The following PLCB1 variants were observed in gnomAD, a reference collection of about 807,000 sequenced individuals.
PLCB1 encodes the protein phospholipase C beta 1.
PLCB1 carries 46 observed loss-of-function variants against 161.8 expected under a neutral mutation model. The ratio of observed to expected loss-of-function variants is 0.28; its 90% CI spans 0.22 to 0.36. The LOEUF is 0.36. Among genes scored for constraint, PLCB1 ranks in the 10% least tolerant of loss-of-function variants. The pLI, the probability that PLCB1 is intolerant of heterozygous loss-of-function variation, is 1.00. For missense variants in PLCB1, 1,016 were observed against 1,472.5 expected (o/e 0.69, Z 5.07); for synonymous variants, 517 against 503.7 (o/e 1.03, Z -0.35).
At chr20:8,880,010 G>A (rs145752397) in intron 31 of PLCB1, among the ~76,000 whole-genome samples, 57 of 152,180 alleles carry the variant, frequency 3.7e-4, no homozygotes, top group African/African-American at 1.2e-3. Flanking sequence ...ATTGAGAAAC[G>A]CAGGAGCTCA....
chr20:8,568,144 G>A (rs988745007), intron 3 of PLCB1, among the ~76,000 whole-genome samples: 15 of 152,212 alleles, frequency 9.9e-5, no homozygotes, highest in Non-Finnish European at 1.0e-4. Context: ...TTAAAACACC[G>A]TCTAAACTTC....
At chr20:8,164,153 G>T (rs560561895) in intron 2 of PLCB1, among the ~76,000 whole-genome samples, 1 of 152,250 alleles carries the variant, frequency 6.6e-6, no homozygotes, top group African/African-American at 2.4e-5. Context: ...GTGTCATTTT[G>T]CTAGGTAAGA....
At chr20:8,285,802 G>C (rs1278078144) in intron 2 of PLCB1, among the ~76,000 whole-genome samples, 1 of 152,174 alleles carries the variant, frequency 6.6e-6, no homozygotes, top group Non-Finnish European at 1.5e-5. Context: ...GTAGGATACT[G>C]TGAGCATTGT....
At chr20:8,873,928 A>G (rs1987691412) in intron 31 of PLCB1, among the ~76,000 whole-genome samples, 1 of 152,026 alleles carries the variant, frequency 6.6e-6, no homozygotes, top group South Asian at 2.1e-4. Flanking sequence ...AGATAATTAG[A>G]GTACCATATT....
intron 11 of PLCB1, among the ~76,000 whole-genome samples, chr20:8,701,161 A>G (rs1401624790): frequency 6.6e-6 from 1 of 152,168 alleles, no homozygotes; most frequent in African/African-American, 2.4e-5. Context: ...CCCTGAACCC[A>G]GCGTGTAAAG....
At chr20:8,395,422 T>G (rs6055791) in intron 3 of PLCB1, among the ~76,000 whole-genome samples, 5,630 of 152,140 alleles carry the variant, frequency 0.037, 210 homozygotes, top group African/African-American at 0.091. Context: ...ATCTCTTATA[T>G]TAGTTCTGTC....
At chr20:8,620,911 T>A (rs564841622) in intron 3 of PLCB1, among the ~76,000 whole-genome samples, 2 of 152,302 alleles carry the variant, frequency 1.3e-5, no homozygotes, top group Non-Finnish European at 2.9e-5. Flanking sequence ...TTTTTTGATA[T>A]GTTTGATTTT....
intron 31 of PLCB1, among the ~76,000 whole-genome samples, chr20:8,876,805 C>G (rs1482633045): frequency 6.6e-6 from 1 of 152,152 alleles, no homozygotes; most frequent in Admixed American, 6.5e-5. Flanking sequence ...GTCTCCTCTT[C>G]TGGCAAGCTA....
chr20:8,192,017 A>T (rs2051975609), intron 2 of PLCB1, among the ~76,000 whole-genome samples: 1 of 152,180 alleles, frequency 6.6e-6, no homozygotes, highest in South Asian at 2.1e-4. Flanking sequence ...ATAATTCAGT[A>T]TAAATATAGT....
At chr20:8,401,845 GACAT>G (rs1978566927) in intron 3 of PLCB1, among the ~76,000 whole-genome samples, 1 of 152,198 alleles carries the variant, frequency 6.6e-6, no homozygotes, top group Admixed American at 6.5e-5. Context: ...AGGAGGCTGG[GACAT>G]ACAGATTCCA....
At chr20:8,137,294 G>A (rs2051359373) in intron 1 of PLCB1, among the ~76,000 whole-genome samples, 1 of 152,208 alleles carries the variant, frequency 6.6e-6, no homozygotes, top group African/African-American at 2.4e-5. Context: ...AGAGAGCAGA[G>A]GGGAAAAGGG....
At chr20:8,460,342 T>C (rs1185900124) in intron 3 of PLCB1, among the ~76,000 whole-genome samples, 1 of 152,222 alleles carries the variant, frequency 6.6e-6, no homozygotes, top group East Asian at 1.9e-4. Flanking sequence ...TTTAGAGACA[T>C]GACCACAAGC....
chr20:8,683,087 G>T (rs185251765), intron 9 of PLCB1, among the ~76,000 whole-genome samples: 7 of 151,620 alleles, frequency 4.6e-5, no homozygotes, highest in African/African-American at 1.7e-4. Flanking sequence ...TTAAATATCC[G>T]CATAGAATTT....
At chr20:8,881,598 A>G in intron 31 of PLCB1, 24 bp from the exon 32 acceptor site, 1 of 1,574,112 alleles carries the variant, frequency 6.4e-7, no homozygotes, top group Non-Finnish European at 8.7e-7. Context: ...ACTTCAAGTC[A>G]TCTCCCCTCT....
At chr20:8,738,208 A>C (rs773104785) in intron 20 of PLCB1, among the ~76,000 whole-genome samples, 1 of 152,172 alleles carries the variant, frequency 6.6e-6, no homozygotes, top group Admixed American at 6.5e-5. Flanking sequence ...GGTTGTTTTC[A>C]CTTTTTTTGC....
At chr20:8,200,829 G>T (rs892459689) in intron 2 of PLCB1, among the ~76,000 whole-genome samples, 12 of 151,950 alleles carry the variant, frequency 7.9e-5, no homozygotes, top group African/African-American at 2.7e-4. Flanking sequence ...TACAGGGAAG[G>T]CTTCTTGTGT....
intron 3 of PLCB1, among the ~76,000 whole-genome samples, chr20:8,510,383 C>CTTTTTT (rs11479098): frequency 5.0e-5 from 6 of 119,786 alleles, no homozygotes; most frequent in African/African-American, 1.2e-4. Flanking sequence ...TTTTCTTTTT[C>CTTTTTT]TTTTTTTTTT....
chr20:8,351,554 G>T (rs1174236422), intron 2 of PLCB1, among the ~76,000 whole-genome samples: 1 of 151,720 alleles, frequency 6.6e-6, no homozygotes, highest in East Asian at 1.9e-4. Context: ...GAAAGGAAAA[G>T]ACATAGACTG....
chr20:8,560,789 GTGT>G (rs1986116945), intron 3 of PLCB1, among the ~76,000 whole-genome samples: 1 of 151,950 alleles, frequency 6.6e-6, no homozygotes, highest in Non-Finnish European at 1.5e-5. Flanking sequence ...TTGACCATAT[GTGT>G]GTATTTTTAT....
Sources: gnomAD v4.1 joint callset for allele counts (sites outside exome capture counted in the v4.1 genomes callset) on GRCh38, gnomAD v4.1.1 for gene constraint, MANE v1.5 for transcripts, NCBI Gene and HGNC (gene_info 2026-07-23, HGNC 2026-07-21) for gene names.